Variants in MEI4 observed in about 807,000 individuals in gnomAD.
The protein encoded by MEI4 is meiosis-specific protein MEI4.
In MEI4, 27 loss-of-function variants were observed where a neutral mutation model predicts 31.4. The observed-to-expected ratio is 0.86, with a 90% confidence interval of 0.63 to 1.19. The LOEUF is 1.19. MEI4 is among the 50% of genes most tolerant of loss of function. The probability of loss-of-function intolerance (pLI) is 0.00; values close to 1 mark genes in which losing one functional copy is unlikely to be tolerated. For missense variants in MEI4, 329 were observed against 398.9 expected (o/e 0.82, Z 1.49); for synonymous variants, 122 against 145.4 (o/e 0.84, Z 1.16).
chr6:77,816,119 G>A (rs1769683364), intron 3 of MEI4, among the ~76,000 whole-genome samples: 1 of 152,022 alleles, frequency 6.6e-6, no homozygotes, highest in Non-Finnish European at 1.5e-5. Flanking sequence ...TGTCCAGAAG[G>A]AAAGCACTAT....
At chr6:77,818,949 G>T (rs920537962) in intron 3 of MEI4, among the ~76,000 whole-genome samples, 3 of 151,968 alleles carry the variant, frequency 2.0e-5, no homozygotes, top group African/African-American at 7.3e-5. Flanking sequence ...TGTTGCCCTG[G>T]CTGGTCTTGA....
At chr6:77,738,111 A>G (rs974224097) in intron 2 of MEI4, among the ~76,000 whole-genome samples, 3 of 152,256 alleles carry the variant, frequency 2.0e-5, no homozygotes, top group African/African-American at 4.8e-5. Context: ...AGCAAGGAGG[A>G]AGGTTTGTGT....
intron 2 of MEI4, among the ~76,000 whole-genome samples, chr6:77,710,746 G>A (rs1766445431): frequency 6.6e-6 from 1 of 152,228 alleles, no homozygotes; most frequent in East Asian, 1.9e-4. Flanking sequence ...TGATGCCTGG[G>A]TTGTACCCCA....
chr6:77,699,488 G>A (rs535908202), intron 2 of MEI4, among the ~76,000 whole-genome samples: 43 of 152,178 alleles, frequency 2.8e-4, no homozygotes, highest in African/African-American at 7.7e-4. Flanking sequence ...CACCGCGCCC[G>A]GCCCAAAGTT....
intron 2 of MEI4, among the ~76,000 whole-genome samples, chr6:77,694,751 G>C (rs71563055): frequency 0.092 from 13,968 of 151,948 alleles, 925 homozygotes; most frequent in East Asian, 0.3. Flanking sequence ...ATAGCAGCAT[G>C]ATTTATAATC....
chr6:77,809,019 A>C (rs908020942), intron 3 of MEI4, among the ~76,000 whole-genome samples: 2 of 152,172 alleles, frequency 1.3e-5, no homozygotes, highest in African/African-American at 4.8e-5. Flanking sequence ...TGCCTGTAGA[A>C]AGTGCTCCAT....
intron 2 of MEI4, among the ~76,000 whole-genome samples, chr6:77,731,447 T>C (rs1390058783): frequency 1.3e-5 from 2 of 151,096 alleles, no homozygotes; most frequent in African/African-American, 4.9e-5. Context: ...TGTCTGTTCA[T>C]GTCCTTTGCC....
chr6:77,859,325 C>T (rs1341425151), intron 4 of MEI4, among the ~76,000 whole-genome samples: 2 of 152,096 alleles, frequency 1.3e-5, no homozygotes, highest in Admixed American at 6.6e-5. Context: ...CTGTAATAAA[C>T]ATACGTGTGC....
chr6:77,869,426 C>T (rs551281104), intron 4 of MEI4, among the ~76,000 whole-genome samples: 187 of 152,160 alleles, frequency 1.2e-3, no homozygotes, highest in Admixed American at 3.8e-3. Context: ...TGCCCTAATC[C>T]AATCTTTCTG....
chr6:77,815,727 G>T (rs1769673764), intron 3 of MEI4, among the ~76,000 whole-genome samples: 1 of 152,082 alleles, frequency 6.6e-6, no homozygotes, highest in Non-Finnish European at 1.5e-5. Flanking sequence ...AACTGGTACT[G>T]CTGGGTTGGA....
chr6:77,903,915 T>C (rs1766238734), intron 4 of MEI4, among the ~76,000 whole-genome samples: 1 of 152,156 alleles, frequency 6.6e-6, no homozygotes, highest in African/African-American at 2.4e-5. Context: ...TCTATTTCTA[T>C]CCCTCCACTT....
chr6:77,851,911 A>C (rs1216563040), intron 4 of MEI4, among the ~76,000 whole-genome samples: 1 of 152,130 alleles, frequency 6.6e-6, no homozygotes, highest in East Asian at 1.9e-4. Flanking sequence ...AATATAACTT[A>C]ACTTGCTTAT....
chr6:77,733,092 T>G (rs1283916979), intron 2 of MEI4, among the ~76,000 whole-genome samples: 8 of 151,876 alleles, frequency 5.3e-5, no homozygotes, highest in Non-Finnish European at 1.2e-4. Flanking sequence ...AATTCTCTTT[T>G]TTGGTTGTGT....
chr6:77,794,395 C>G lies in MEI4; in HGVS notation c.768+32730C>G, dbSNP rs545731396. ...TGGCTAACACGGTGAAATCCCGTCT[C>G]TACTAAAAATACAAAATATTAGCCG... On this transcript the variant is annotated intron_variant, in intron 3 of 4. Transcript: ENST00000684080. Among the ~76,000 whole-genome samples, 33 of 152,208 alleles carry G rather than the reference C, an allele frequency of 2.2e-4. No individual in the cohort carries two copies. In the East Asian group the frequency reaches 5.6e-3, roughly 26 times the overall value.
In MEI4 at chr6:77,923,144, T is replaced by C; in HGVS notation, c.956T>C (p.Val319Ala). The C allele has an allele frequency of 8.1e-7, 1 of 1,230,668 alleles. No individual in the cohort carries two copies. Among genetic ancestry groups the C allele is most frequent in the Non-Finnish European group, 1.0e-6 (1 of 986,918 alleles). The allele number at this position is 1,230,668 out of a possible 1,614,324, so 76.2% of individuals were successfully genotyped here. ...RYENIFYLFW[V>A]LEQLLQKETE... ...GAAAACATTTTCTACCTGTTCTGGG[T>C]TCTGGAGCAGCTTCTTCAAAAGGAA... Residue 319 changes from valine (V) to alanine (A), a missense_variant, in exon 5 of 5, where the codon GTT becomes GCT. Transcript: ENST00000684080.
chr6:77,819,213 TATTC>T (rs1769758149), intron 3 of MEI4, among the ~76,000 whole-genome samples: 1 of 152,172 alleles, frequency 6.6e-6, no homozygotes, highest in South Asian at 2.1e-4. Flanking sequence ...GTCAATTACT[TATTC>T]ATATGTTTTG....
Position 77,923,750 on chromosome 6 carries a change from A to G in MEI4, c.*404A>G, listed in dbSNP as rs1766771346. On this transcript the variant is annotated 3_prime_UTR_variant, in exon 5 of 5. Transcript: ENST00000684080. The stretch of plus-strand genomic sequence containing the variant: ...AGAAGTTTAGTTGCATTATCAACAC[A>G]AAGTGTTGGAATATAAGAAGTGGTC... 1 of 152,796 alleles carries G rather than the reference A, an allele frequency of 6.5e-6. No homozygotes were observed. The highest frequency in any genetic ancestry group is 2.4e-5 in the African/African-American group (1 of 41,456). The allele number at this position is 152,796 out of a possible 1,614,324, so 9.5% of individuals were successfully genotyped here. A position where few individuals can be genotyped will look rare whatever the true frequency, so the allele number is the denominator to read the frequency against.
At chr6:77,697,055 GA>G (rs1766067753) in intron 2 of MEI4, among the ~76,000 whole-genome samples, 1 of 152,196 alleles carries the variant, frequency 6.6e-6, no homozygotes, top group South Asian at 2.1e-4. Context: ...TATTTGTGTA[GA>G]GGTGTTTGTA....
At chr6:77,781,260 G>A (rs1276168777) in intron 3 of MEI4, among the ~76,000 whole-genome samples, 3 of 152,048 alleles carry the variant, frequency 2.0e-5, no homozygotes, top group Non-Finnish European at 4.4e-5. Flanking sequence ...TACTGATACT[G>A]TATCACATGA....
Sources: allele counts gnomAD v4.1 joint callset (sites outside exome capture counted in the v4.1 genomes callset), GRCh38; gene constraint gnomAD v4.1.1; transcripts MANE v1.5; gene names NCBI Gene and HGNC (gene_info 2026-07-23, HGNC 2026-07-21).